Variants in RHOH observed in about 807,000 individuals in gnomAD.
RHOH encodes the protein ras homolog family member H.
Under a neutral mutation model 13.8 loss-of-function variants are expected in RHOH, and 6 were observed. That is an observed-to-expected ratio of 0.44 (90% CI 0.24 to 0.86). The LOEUF (loss-of-function observed/expected upper bound fraction) is 0.86, where lower values mean the gene tolerates loss of function less well. Among genes scored for constraint, RHOH ranks in the 40% least tolerant of loss-of-function variants. The probability of loss-of-function intolerance (pLI) is 0.24; values close to 1 mark genes in which losing one functional copy is unlikely to be tolerated. For missense variants in RHOH, 147 were observed against 244.5 expected, an observed-to-expected ratio of 0.60 and a Z score of 2.66; for synonymous variants, 117 against 103.0, an observed-to-expected ratio of 1.14 and a Z score of -0.82.
intron 1 of RHOH, among the ~76,000 whole-genome samples, chr4:40,227,649 G>A (rs1727413395): frequency 1.3e-5 from 2 of 151,418 alleles, no homozygotes; most frequent in African/African-American, 2.4e-5. Context: ...GAATACCTGG[G>A]CACTATATAT....
At chr4:40,231,195 T>G (rs1370444110) in intron 1 of RHOH, among the ~76,000 whole-genome samples, 3 of 152,190 alleles carry the variant, frequency 2.0e-5, no homozygotes, top group African/African-American at 7.2e-5. Flanking sequence ...TGAAACCTGC[T>G]TTCCACCCAT....
chr4:40,202,848 C>A (rs1724178386), intron 1 of RHOH, among the ~76,000 whole-genome samples: 1 of 151,912 alleles, frequency 6.6e-6, no homozygotes, highest in African/African-American at 2.4e-5. Flanking sequence ...CAGAGGTGAA[C>A]AACATGGATA....
In RHOH at chr4:40,223,767, G is replaced by GTT. The variant is rs56144023; in HGVS notation, c.-330-18926_-330-18925dup. ...ATCATGTATAGTGTAAACATAACTT[G>GTT]TTTTTTTTTTTTTTTTTTTTTTGAG... is the stretch of plus-strand genomic sequence containing the variant. On this transcript the variant is annotated intron_variant, in intron 1 of 2. Coordinates refer to ENST00000381799, the MANE Select transcript of RHOH (RefSeq NM_004310.5). Among the ~76,000 whole-genome samples the GTT allele has an allele frequency of 5.5e-3, 458 of 83,912 alleles. 14 individuals carry two copies. Among genetic ancestry groups the GTT allele is most frequent in the African/African-American group, 0.015 (292 of 20,094 alleles). The allele number at this position is 83,912 out of a possible 152,430, so 55.0% of individuals were successfully genotyped here.
chr4:40,238,364 T>C (rs1728840294), intron 1 of RHOH, among the ~76,000 whole-genome samples: 1 of 152,162 alleles, frequency 6.6e-6, no homozygotes, highest in Non-Finnish European at 1.5e-5. Context: ...AGAATTGGTG[T>C]CTGTTAGCAT....
intron 1 of RHOH, among the ~76,000 whole-genome samples, chr4:40,223,497 G>A (rs1320711778): frequency 1.5e-5 from 2 of 135,730 alleles, no homozygotes; most frequent in Non-Finnish European, 3.1e-5. Flanking sequence ...TTTAGAGAGG[G>A]TCTTGCTCTG....
chr4:40,220,566 T>C (rs1452135166), intron 1 of RHOH, among the ~76,000 whole-genome samples: 2 of 151,402 alleles, frequency 1.3e-5, no homozygotes, highest in East Asian at 1.9e-4. Context: ...ATTTCTTCTA[T>C]AGAGAAAAAA....
chr4:40,222,851 A>G (rs572488925), intron 1 of RHOH, among the ~76,000 whole-genome samples: 3 of 152,362 alleles, frequency 2.0e-5, no homozygotes, highest in Non-Finnish European at 4.4e-5. Flanking sequence ...AGGATCTACC[A>G]TTTTAGATGC....
chr4:40,242,690 T>C (rs1183397040), intron 1 of RHOH, 24 bp from the exon 2 acceptor site: 3 of 152,218 alleles, frequency 2.0e-5, no homozygotes, highest in African/African-American at 7.2e-5. Flanking sequence ...TATCTGTCGC[T>C]CATAACGTTC....
At chr4:40,201,048 A>C (rs1723907343) in intron 1 of RHOH, among the ~76,000 whole-genome samples, 1 of 152,234 alleles carries the variant, frequency 6.6e-6, no homozygotes, top group African/African-American at 2.4e-5. Context: ...CCCAAGGAAG[A>C]GAGTGGTTAA....
chr4:40,238,045 C>A (rs950834314), intron 1 of RHOH, among the ~76,000 whole-genome samples: 10 of 149,510 alleles, frequency 6.7e-5, no homozygotes, highest in African/African-American at 2.5e-4. Context: ...CCACCTGATC[C>A]GTATGAGCTC....
At chr4:40,210,950 A>C (rs1031816134) in intron 1 of RHOH, among the ~76,000 whole-genome samples, 4 of 152,254 alleles carry the variant, frequency 2.6e-5, no homozygotes, top group African/African-American at 4.8e-5. Context: ...TAGACCAAAC[A>C]TGATCCATTG....
At chr4:40,195,354 TTTCCTTCC>T (rs376202855), upstream of RHOH, among the ~76,000 whole-genome samples, 13,700 of 91,878 alleles carry the variant, frequency 0.15, 1,092 homozygotes, top group Middle Eastern at 0.2. Context: ...CTTTCTTTCT[TTTCCTTCC>T]TTCCTTCCTT....
intron 1 of RHOH, among the ~76,000 whole-genome samples, chr4:40,208,945 AAT>A (rs1263975702): frequency 1.3e-5 from 2 of 152,064 alleles, no homozygotes; most frequent in African/African-American, 4.8e-5. Context: ...GAGGTAAATA[AAT>A]ATGTTAGAAA....
At chr4:40,233,097 G>A (rs1430297472) in intron 1 of RHOH, among the ~76,000 whole-genome samples, 2 of 152,124 alleles carry the variant, frequency 1.3e-5, no homozygotes, top group Non-Finnish European at 2.9e-5. Flanking sequence ...ACCCCTCAAG[G>A]TAAATTATAA....
intron 1 of RHOH, among the ~76,000 whole-genome samples, chr4:40,239,366 C>T (rs1159581997): frequency 2.0e-5 from 3 of 152,166 alleles, no homozygotes; most frequent in Non-Finnish European, 1.5e-5. Context: ...GAGTCTCTCT[C>T]TTTCTTTCTC....
At chr4:40,203,555 A>AGTGT (rs35615493) in intron 1 of RHOH, among the ~76,000 whole-genome samples, 17 of 150,606 alleles carry the variant, frequency 1.1e-4, no homozygotes, top group South Asian at 1.0e-3. Context: ...AGAGAGAGAG[A>AGTGT]GTGTGTGTGT....
chr4:40,220,126 C>T (rs2109447599), intron 1 of RHOH, among the ~76,000 whole-genome samples: 1 of 152,132 alleles, frequency 6.6e-6, no homozygotes, highest in East Asian at 1.9e-4. Context: ...TCATCTTCCA[C>T]CTGTGCTTCA....
intron 2 of RHOH, 153 bp downstream of exon 2, chr4:40,242,987 GT>G: frequency 5.8e-6 from 1 of 172,730 alleles, no homozygotes; most frequent in Non-Finnish European, 1.2e-5. Flanking sequence ...GTGTGTGTGT[GT>G]GTGTGTGTTG....
chr4:40,226,979 C>A (rs375362263), intron 1 of RHOH, among the ~76,000 whole-genome samples: 1 of 151,822 alleles, frequency 6.6e-6, no homozygotes, highest in South Asian at 2.1e-4. Context: ...GCCAACATGG[C>A]GAAATCCCGT....
Sources: gnomAD v4.1 joint callset for allele counts (sites outside exome capture counted in the v4.1 genomes callset) on GRCh38, gnomAD v4.1.1 for gene constraint, MANE v1.5 for transcripts, NCBI Gene and HGNC (gene_info 2026-07-23, HGNC 2026-07-21) for gene names.